The following COLEC10 variants were observed in gnomAD, a reference collection of about 807,000 sequenced individuals.
COLEC10 encodes the protein collectin-10.
COLEC10 carries 22 observed loss-of-function variants against 28.4 expected under a neutral mutation model. The ratio of observed to expected loss-of-function variants is 0.78; its 90% CI spans 0.55 to 1.11. The LOEUF (loss-of-function observed/expected upper bound fraction) is 1.11, where lower values mean the gene tolerates loss of function less well. Among genes scored for constraint, COLEC10 ranks in the 50% least tolerant of loss-of-function variants. The pLI is 0.00. For synonymous variants in COLEC10, 125 were observed against 116.1 expected (o/e 1.08, Z -0.49); for missense variants, 361 against 344.1 (o/e 1.05, Z -0.39).
intron 1 of COLEC10, among the ~76,000 whole-genome samples, chr8:119,088,525 C>T (rs909607532): frequency 6.6e-6 from 1 of 152,138 alleles, no homozygotes; most frequent in African/African-American, 2.4e-5. Flanking sequence ...AATCAATGAA[C>T]ATCACAAGTT....
At chr8:119,088,269 T>A (rs1815522748) in intron 1 of COLEC10, among the ~76,000 whole-genome samples, 1 of 151,244 alleles carries the variant, frequency 6.6e-6, no homozygotes, top group Non-Finnish European at 1.5e-5. Context: ...AAGAAAAAAA[T>A]TTCATCTAGT....
intron 2 of COLEC10, among the ~76,000 whole-genome samples, chr8:119,025,034 T>G (rs1814165801): frequency 6.6e-6 from 1 of 152,168 alleles, no homozygotes; most frequent in Non-Finnish European, 1.5e-5. Context: ...AGATCCCACT[T>G]TCTGTAAGAC....
chr8:118,984,251 A>G, the COLEC10 span, among the ~76,000 whole-genome samples: 1 of 152,082 alleles, frequency 6.6e-6, no homozygotes, highest in African/African-American at 2.4e-5. Flanking sequence ...CAAATACTAT[A>G]TGTTCTTACG....
chr8:119,103,128 G>A (rs182642211), intron 4 of COLEC10, among the ~76,000 whole-genome samples: 3 of 152,010 alleles, frequency 2.0e-5, no homozygotes, highest in East Asian at 1.9e-4. Context: ...ATTTTACATC[G>A]GTTTCCTTGT....
chr8:119,098,794 C>T (rs1454839664), intron 3 of COLEC10, among the ~76,000 whole-genome samples: 1 of 152,024 alleles, frequency 6.6e-6, no homozygotes, highest in Non-Finnish European at 1.5e-5. Flanking sequence ...CAGAGATATG[C>T]CATCAAATTT....
At chr8:118,974,814 CTGGT>C in the COLEC10 span, among the ~76,000 whole-genome samples, 1 of 152,032 alleles carries the variant, frequency 6.6e-6, no homozygotes, top group Non-Finnish European at 1.5e-5. Context: ...TTACTATCAT[CTGGT>C]ATTCCAAGGA....
the COLEC10 span, among the ~76,000 whole-genome samples, chr8:118,966,766 T>C: frequency 6.6e-6 from 1 of 152,068 alleles, no homozygotes; most frequent in Non-Finnish European, 1.5e-5. Context: ...ACTCTTCAGC[T>C]CCACTTCATC....
intron 2 of COLEC10, among the ~76,000 whole-genome samples, chr8:119,021,496 A>C (rs1814093902): frequency 6.6e-6 from 1 of 152,146 alleles, no homozygotes; most frequent in Non-Finnish European, 1.5e-5. Flanking sequence ...AGGAATTACT[A>C]CTGCTGGAGC....
At chr8:119,055,516 G>A (rs1181683663) in intron 2 of COLEC10, among the ~76,000 whole-genome samples, 1 of 151,998 alleles carries the variant, frequency 6.6e-6, no homozygotes, top group African/African-American at 2.4e-5. Flanking sequence ...ACTCATCCCA[G>A]GAGCAAAATT....
chr8:119,099,440 C>G (rs2130300212), intron 3 of COLEC10, among the ~76,000 whole-genome samples: 1 of 152,060 alleles, frequency 6.6e-6, no homozygotes, highest in East Asian at 1.9e-4. Flanking sequence ...TTAATGATCT[C>G]ATAATTTTAG....
upstream of COLEC10, chr8:119,062,949 C>G (rs534894795): frequency 6.6e-6 from 1 of 152,024 alleles, no homozygotes. Context: ...GACTTTAATC[C>G]ACTAATTACT....
intron 2 of COLEC10, among the ~76,000 whole-genome samples, chr8:119,021,158 C>T (rs772357730): frequency 1.9e-4 from 29 of 152,168 alleles, no homozygotes; most frequent in Non-Finnish European, 3.4e-4. Flanking sequence ...CTTCTATTTC[C>T]CTAATTTTAG....
At chr8:119,030,072 C>G (rs1030152010) in intron 2 of COLEC10, among the ~76,000 whole-genome samples, 7 of 152,156 alleles carry the variant, frequency 4.6e-5, no homozygotes, top group African/African-American at 1.4e-4. Flanking sequence ...TATTAGTTGC[C>G]TGGAGCCACA....
At chr8:119,090,608 A>T (rs528055400) in intron 2 of COLEC10, among the ~76,000 whole-genome samples, 2 of 152,354 alleles carry the variant, frequency 1.3e-5, no homozygotes, top group East Asian at 1.9e-4. Flanking sequence ...CTTTTATAAA[A>T]AGAAATAGCA....
rs1223987430 is a variant in COLEC10, at chr8:119,107,611, A to G, written c.*1420A>G. ...ACTGGTTATGAGATAGGACTTAATT[A>G]GGTTATTTCTGTGGGTTCAACAAGG... On this transcript the variant is annotated 3_prime_UTR_variant, in exon 6 of 6. Transcript: ENST00000332843. Among the ~76,000 whole-genome samples, 2 of 152,146 alleles carry G rather than the reference A, an allele frequency of 1.3e-5. No homozygotes were observed. The highest frequency in any genetic ancestry group is 2.9e-5 in the Non-Finnish European group (2 of 68,028).
At chr8:119,083,878 C>T (rs369741331) in intron 1 of COLEC10, among the ~76,000 whole-genome samples, 2 of 151,926 alleles carry the variant, frequency 1.3e-5, no homozygotes, top group African/African-American at 4.8e-5. Context: ...AGGAGTTGAG[C>T]CTAAGTATGT....
At chr8:118,957,285 A>G in the COLEC10 span, among the ~76,000 whole-genome samples, 1 of 152,216 alleles carries the variant, frequency 6.6e-6, no homozygotes, top group Non-Finnish European at 1.5e-5. Context: ...CTAAACCTAG[A>G]AATAAACTCT....
chr8:119,044,653 G>T (rs533653166), intron 2 of COLEC10, among the ~76,000 whole-genome samples: 1 of 151,974 alleles, frequency 6.6e-6, no homozygotes, highest in Non-Finnish European at 1.5e-5. Flanking sequence ...CCAGGAGTTC[G>T]AAACCAGCCT....
At chr8:119,041,253 C>G (rs907093864) in intron 2 of COLEC10, among the ~76,000 whole-genome samples, 7 of 128,830 alleles carry the variant, frequency 5.4e-5, no homozygotes, top group African/African-American at 2.3e-4. Flanking sequence ...AGCAGAGAAT[C>G]TGTTGAAGCA....
Sources: allele counts gnomAD v4.1 joint callset (sites outside exome capture counted in the v4.1 genomes callset), GRCh38; gene constraint gnomAD v4.1.1; transcripts MANE v1.5; gene names NCBI Gene and HGNC (gene_info 2026-07-23, HGNC 2026-07-21).